Variants in PRELID2 observed in about 807,000 individuals in gnomAD.
PRELID2 encodes the protein PRELI domain-containing protein 2.
A neutral mutation model predicts 28.4 loss-of-function variants in PRELID2; 25 were observed. The ratio of observed to expected loss-of-function variants is 0.88; its 90% CI spans 0.64 to 1.23. The LOEUF is 1.23. Among genes scored for constraint, PRELID2 ranks in the 50% most tolerant of loss-of-function variants. The probability of loss-of-function intolerance (pLI) is 0.00; values close to 1 mark genes in which losing one functional copy is unlikely to be tolerated. For missense variants in PRELID2, 201 were observed against 214.4 expected, an observed-to-expected ratio of 0.94 and a Z score of 0.39; for synonymous variants, 76 against 71.6, an observed-to-expected ratio of 1.06 and a Z score of -0.31.
Position 145,617,378 on chromosome 5 carries a change from G to A in PRELID2, n.71-144063C>T, listed in dbSNP as rs113597728. Among the ~76,000 whole-genome samples the A allele has an allele frequency of 8.3e-3, 1,265 of 152,220 alleles. 26 individuals are homozygous for A. The highest frequency in any genetic ancestry group is 0.029 in the African/African-American group (1,199 of 41,540). On this transcript the variant is annotated intron_variant and non_coding_transcript_variant, in intron 1 of 2. Transcript: ENST00000510259. ...TTCAGAGATTGCAGTAAAGACAGGCGTAAGAAATTATAAAAGTATTAATTT... is the reference window on the plus strand; with the variant it reads ...TTCAGAGATTGCAGTAAAGACAGGCATAAGAAATTATAAAAGTATTAATTT...
the PRELID2 span, among the ~76,000 whole-genome samples, chr5:145,354,116 C>T: frequency 6.6e-6 from 1 of 152,152 alleles, no homozygotes; most frequent in Non-Finnish European, 1.5e-5. Flanking sequence ...TACAAACACT[C>T]ACTCGATCTT....
At chr5:145,639,731 A>G (rs980741960) in intron 1 of PRELID2, among the ~76,000 whole-genome samples, 1 of 152,230 alleles carries the variant, frequency 6.6e-6, no homozygotes, top group Non-Finnish European at 1.5e-5. Flanking sequence ...TAGTCCACAC[A>G]TTTTATAAAG....
chr5:145,690,168 T>C (rs1755118697), intron 1 of PRELID2, among the ~76,000 whole-genome samples: 2 of 151,958 alleles, frequency 1.3e-5, no homozygotes, highest in African/African-American at 2.4e-5. Flanking sequence ...CTTTTTGTAT[T>C]TTTAGTAGAG....
the PRELID2 span, among the ~76,000 whole-genome samples, chr5:145,444,878 C>T: frequency 4.5e-4 from 68 of 151,950 alleles, 3 homozygotes; most frequent in South Asian, 0.012. Context: ...AAGCTTATAT[C>T]GTGGTGGGAA....
the PRELID2 span, among the ~76,000 whole-genome samples, chr5:145,351,318 A>G: frequency 1.3e-5 from 2 of 152,166 alleles, no homozygotes; most frequent in Non-Finnish European, 2.9e-5. Context: ...GGGAGGCCTC[A>G]AGAAACTTAC....
the PRELID2 span, among the ~76,000 whole-genome samples, chr5:145,382,531 G>A: frequency 1.3e-5 from 2 of 151,896 alleles, no homozygotes; most frequent in Non-Finnish European, 2.9e-5. Flanking sequence ...ATAACTTTTT[G>A]TCAAAAACAA....
intron 1 of PRELID2, among the ~76,000 whole-genome samples, chr5:145,608,048 T>C (rs925839746): frequency 6.6e-6 from 1 of 151,948 alleles, no homozygotes; most frequent in Non-Finnish European, 1.5e-5. Flanking sequence ...CCGTTTTTTT[T>C]TTTTTTCTGA....
chr5:145,522,073 T>C (rs1236167272), intron 1 of PRELID2, among the ~76,000 whole-genome samples: 2 of 152,192 alleles, frequency 1.3e-5, no homozygotes, highest in Non-Finnish European at 2.9e-5. Flanking sequence ...CTAAAACATG[T>C]ACCTCCCATC....
chr5:145,436,664 T>G, the PRELID2 span, among the ~76,000 whole-genome samples: 1 of 152,132 alleles, frequency 6.6e-6, no homozygotes, highest in Non-Finnish European at 1.5e-5. Context: ...TATCCAGTAA[T>G]TAGTGATGCT....
At chr5:145,497,661 CCTGTGCTCA>C (rs1752320635) in intron 1 of PRELID2, among the ~76,000 whole-genome samples, 1 of 152,130 alleles carries the variant, frequency 6.6e-6, no homozygotes, top group Non-Finnish European at 1.5e-5. Flanking sequence ...CATAAAGTTG[CCTGTGCTCA>C]CTCAAGTAGT....
the PRELID2 span, among the ~76,000 whole-genome samples, chr5:145,406,129 C>T: frequency 6.6e-5 from 10 of 152,216 alleles, no homozygotes; most frequent in African/African-American, 2.4e-4. Context: ...TCACCTCCCA[C>T]CAGGCCCTAC....
the PRELID2 span, among the ~76,000 whole-genome samples, chr5:145,285,723 A>G: frequency 2.0e-5 from 3 of 152,196 alleles, no homozygotes; most frequent in Admixed American, 6.5e-5. Flanking sequence ...GATTACCTCT[A>G]GCACACAGGT....
chr5:145,793,371 A>G (rs1271800625), intron 5 of PRELID2, among the ~76,000 whole-genome samples: 3 of 152,148 alleles, frequency 2.0e-5, no homozygotes, highest in Non-Finnish European at 1.5e-5. Flanking sequence ...AGACTCAGCA[A>G]TAAGTCCTAA....
At chr5:145,532,373 A>T (rs575765041) in intron 1 of PRELID2, among the ~76,000 whole-genome samples, 1 of 152,244 alleles carries the variant, frequency 6.6e-6, no homozygotes, top group East Asian at 1.9e-4. Flanking sequence ...GTACATATTT[A>T]GAGTGTACAA....
intron 1 of PRELID2, among the ~76,000 whole-genome samples, chr5:145,743,774 T>C (rs1756909727): frequency 6.6e-6 from 1 of 152,188 alleles, no homozygotes; most frequent in African/African-American, 2.4e-5. Context: ...CCTCTCAGCC[T>C]CTCAGCTGGA....
chr5:145,464,868 T>G, the PRELID2 span, among the ~76,000 whole-genome samples: 1 of 152,138 alleles, frequency 6.6e-6, no homozygotes, highest in Non-Finnish European at 1.5e-5. Flanking sequence ...TTTAATATTT[T>G]TAATATTTGA....
the PRELID2 span, among the ~76,000 whole-genome samples, chr5:145,377,481 ACTATTGTGTGCAAAT>A: frequency 6.6e-6 from 1 of 152,158 alleles, no homozygotes. Flanking sequence ...GTCTCTCACT[ACTATTGTGTGCAAAT>A]CTAAGTCTTT....
At chr5:145,286,836 C>T in the PRELID2 span, among the ~76,000 whole-genome samples, 329 of 151,822 alleles carry the variant, frequency 2.2e-3, 2 homozygotes, top group African/African-American at 7.6e-3. Flanking sequence ...ATTCTCCTGC[C>T]TCAGCTGGGA....
chr5:145,707,325 T>C (rs1009767953), intron 1 of PRELID2, among the ~76,000 whole-genome samples: 2 of 152,126 alleles, frequency 1.3e-5, no homozygotes, highest in Non-Finnish European at 2.9e-5. Context: ...CTGAAGGAAG[T>C]TGAAGGGCCA....
Sources: allele counts gnomAD v4.1 joint callset (sites outside exome capture counted in the v4.1 genomes callset), GRCh38; gene constraint gnomAD v4.1.1; transcripts MANE v1.5; gene names NCBI Gene and HGNC (gene_info 2026-07-23, HGNC 2026-07-21).